The following AGBL4 variants were observed in gnomAD, a reference collection of about 807,000 sequenced individuals.
The protein encoded by AGBL4 is AGBL carboxypeptidase 4, also known as cytosolic carboxypeptidase 6.
A neutral mutation model predicts 66.4 loss-of-function variants in AGBL4; 58 were observed. The observed-to-expected ratio is 0.87, with a 90% CI of 0.71 to 1.09. The LOEUF (loss-of-function observed/expected upper bound fraction) is 1.09, where lower values mean the gene tolerates loss of function less well. Among genes scored for constraint, AGBL4 ranks in the 50% least tolerant of loss-of-function variants. The pLI is 0.00. For missense variants in AGBL4, 579 were observed against 631.0 expected, an observed-to-expected ratio of 0.92 and a Z score of 0.88; for synonymous variants, 234 against 222.9, an observed-to-expected ratio of 1.05 and a Z score of -0.44.
chr1:49,151,082 C>T (rs910523511), intron 4 of AGBL4, among the ~76,000 whole-genome samples: 10 of 151,886 alleles, frequency 6.6e-5, no homozygotes, highest in Non-Finnish European at 1.5e-4. Context: ...TCCTGGCTAA[C>T]ACGGTGAAAC....
chr1:49,960,568 T>A (rs1222652347), intron 1 of AGBL4, among the ~76,000 whole-genome samples: 1 of 152,104 alleles, frequency 6.6e-6, no homozygotes, highest in African/African-American at 2.4e-5. Flanking sequence ...AGATATTGTA[T>A]GTTCCCACAC....
intron 2 of AGBL4, among the ~76,000 whole-genome samples, chr1:49,710,336 G>T (rs1647554116): frequency 6.6e-6 from 1 of 152,048 alleles, no homozygotes; most frequent in African/African-American, 2.4e-5. Flanking sequence ...AACTAACACA[G>T]GAACAGAAAA....
At chr1:49,822,092 A>G (rs1018687611) in intron 2 of AGBL4, among the ~76,000 whole-genome samples, 6 of 152,172 alleles carry the variant, frequency 3.9e-5, no homozygotes, top group Non-Finnish European at 8.8e-5. Flanking sequence ...AAAATATTTT[A>G]ACCTATGAAT....
At chr1:49,540,509 C>A (rs1388544883) in intron 3 of AGBL4, among the ~76,000 whole-genome samples, 1 of 152,158 alleles carries the variant, frequency 6.6e-6, no homozygotes, top group Admixed American at 6.5e-5. Flanking sequence ...ACTTATTATT[C>A]ATCTCTAAAT....
intron 6 of AGBL4, among the ~76,000 whole-genome samples, chr1:48,829,891 A>G (rs1213644985): frequency 6.6e-6 from 1 of 151,992 alleles, no homozygotes; most frequent in African/African-American, 2.4e-5. Flanking sequence ...TTTTTTTCAT[A>G]AAACTATTAA....
At chr1:48,531,956 G>A (rs943544803), downstream of AGBL4, among the ~76,000 whole-genome samples, 10 of 152,064 alleles carry the variant, frequency 6.6e-5, no homozygotes, top group South Asian at 2.1e-4. Context: ...GCTAATTTTT[G>A]TATTTTTAGT....
At chr1:48,530,940 G>A (rs74075888), downstream of AGBL4, among the ~76,000 whole-genome samples, 2,094 of 152,284 alleles carry the variant, frequency 0.014, 46 homozygotes, top group African/African-American at 0.048. Flanking sequence ...AGCCAGGTGG[G>A]CTAGTAGCCT....
chr1:49,209,660 G>C (rs1400135027), intron 4 of AGBL4, among the ~76,000 whole-genome samples: 1 of 152,070 alleles, frequency 6.6e-6, no homozygotes, highest in East Asian at 1.9e-4. Flanking sequence ...GGACTGATTA[G>C]AGATTATGCA....
chr1:49,502,307 A>G (rs1359562977), intron 3 of AGBL4, among the ~76,000 whole-genome samples: 1 of 152,054 alleles, frequency 6.6e-6, no homozygotes, highest in Non-Finnish European at 1.5e-5. Context: ...GGTAGTTCAC[A>G]TTGTGATTGT....
chr1:49,793,953 C>CT (rs1352786553), intron 2 of AGBL4, among the ~76,000 whole-genome samples: 2 of 151,880 alleles, frequency 1.3e-5, no homozygotes, highest in African/African-American at 4.8e-5. Flanking sequence ...AGAGAGAAGT[C>CT]TATGTTGAAA....
At chr1:49,045,241 C>T (rs1571312918) in intron 5 of AGBL4, among the ~76,000 whole-genome samples, 1 of 152,158 alleles carries the variant, frequency 6.6e-6, no homozygotes, top group East Asian at 1.9e-4. Context: ...TAACACCTAG[C>T]AAAAGTCTCC....
intron 9 of AGBL4, among the ~76,000 whole-genome samples, chr1:48,619,639 G>A (rs1645376812): frequency 6.6e-6 from 1 of 152,168 alleles, no homozygotes; most frequent in South Asian, 2.1e-4. Context: ...CTTTTTCAAG[G>A]TTATAGCCTG....
At chr1:48,636,782 G>A (rs949339710) in intron 8 of AGBL4, among the ~76,000 whole-genome samples, 9 of 152,232 alleles carry the variant, frequency 5.9e-5, no homozygotes, top group African/African-American at 2.2e-4. Flanking sequence ...ATATGGTGGA[G>A]CAGGCTTCAA....
At chr1:49,479,708 T>C (rs532307547) in intron 3 of AGBL4, among the ~76,000 whole-genome samples, 26 of 149,936 alleles carry the variant, frequency 1.7e-4, no homozygotes, top group African/African-American at 6.1e-4. Flanking sequence ...TTTTTCTTTT[T>C]TTTTTTTTTT....
intron 3 of AGBL4, among the ~76,000 whole-genome samples, chr1:49,389,460 G>T (rs116648192): frequency 5.9e-4 from 90 of 152,222 alleles, no homozygotes; most frequent in Non-Finnish European, 1.1e-3. Flanking sequence ...AGGAAATTGA[G>T]GCTTGACTTG....
rs571754225 is a variant in AGBL4 at position 48,617,926 on chromosome 1, T to C, written c.951+16567A>G. 2.6e-5 allele frequency among the ~76,000 whole-genome samples: 4 copies of C among 152,302 alleles called. No individual in the cohort carries two copies. In the East Asian group the frequency reaches 7.7e-4, roughly 29 times the overall value. On this transcript the variant is annotated intron_variant, in intron 9 of 13. Coordinates refer to ENST00000371839, the MANE Select transcript of AGBL4 (RefSeq NM_032785.4). ...AAAAGCAAGAGATGAGACTCTACCTTGCCACTCCTGTTCCTCTCTGCCTCT... is the reference window on the plus strand; with the variant it reads ...AAAAGCAAGAGATGAGACTCTACCTCGCCACTCCTGTTCCTCTCTGCCTCT...
intron 3 of AGBL4, among the ~76,000 whole-genome samples, chr1:49,263,376 A>G (rs1023189051): frequency 1.4e-4 from 22 of 152,264 alleles, no homozygotes; most frequent in Admixed American, 7.2e-4. Context: ...AGATAAAAAA[A>G]TAGAGTAATC....
At chr1:50,009,544 A>T (rs1038398418) in intron 1 of AGBL4, among the ~76,000 whole-genome samples, 1 of 152,110 alleles carries the variant, frequency 6.6e-6, no homozygotes, top group Non-Finnish European at 1.5e-5. Flanking sequence ...CTAAAGACAG[A>T]CCACAGGTAG....
intron 2 of AGBL4, among the ~76,000 whole-genome samples, chr1:49,816,884 G>T (rs1223890936): frequency 1.3e-5 from 2 of 152,146 alleles, no homozygotes; most frequent in Non-Finnish European, 2.9e-5. Context: ...TTTAACTGCT[G>T]GAAGCCAGGA....
Sources: gnomAD v4.1 joint callset for allele counts (sites outside exome capture counted in the v4.1 genomes callset) on GRCh38, gnomAD v4.1.1 for gene constraint, MANE v1.5 for transcripts, NCBI Gene and HGNC (gene_info 2026-07-23, HGNC 2026-07-21) for gene names.